Variants in ZNF385D observed in about 807,000 individuals in gnomAD.
ZNF385D encodes the protein zinc finger protein 385D.
In ZNF385D, 15 loss-of-function variants were observed where a neutral mutation model predicts 35.8. That is an observed-to-expected ratio of 0.42 (90% CI 0.28 to 0.64). The LOEUF is 0.64. Among genes scored for constraint, ZNF385D ranks in the 30% least tolerant of loss-of-function variants. The pLI is 0.23. For missense variants in ZNF385D, 474 were observed against 494.6 expected (o/e 0.96, Z 0.39); for synonymous variants, 212 against 186.8 (o/e 1.13, Z -1.10).
chr3:21,791,186 T>A (rs900888801), intron 3 of ZNF385D, among the ~76,000 whole-genome samples: 4 of 152,226 alleles, frequency 2.6e-5, no homozygotes, highest in Admixed American at 2.6e-4. Context: ...TTCTGAGGTA[T>A]GTAAAAAGAA....
intron 3 of ZNF385D, among the ~76,000 whole-genome samples, chr3:21,882,264 G>A (rs1698316516): frequency 6.6e-6 from 1 of 151,926 alleles, no homozygotes; most frequent in African/African-American, 2.4e-5. Flanking sequence ...TTCAAAAGTT[G>A]CCACAGCCAT....
chr3:21,687,958 G>A (rs774315396), intron 1 of ZNF385D, among the ~76,000 whole-genome samples: 2 of 151,818 alleles, frequency 1.3e-5, no homozygotes, highest in Admixed American at 6.6e-5. Context: ...GCAGTAGCAC[G>A]GTCACAGCTT....
intron 1 of ZNF385D, among the ~76,000 whole-genome samples, chr3:21,667,179 G>A (rs765947917): frequency 2.0e-5 from 3 of 152,184 alleles, no homozygotes; most frequent in Non-Finnish European, 2.9e-5. Context: ...TGTTGCTTTT[G>A]AGACAGGATC....
rs529776278 is a variant in ZNF385D, at chr3:22,293,614, A to G, written c.106+78836T>C. ...TAACATATTTGACATCACACATTATATTTTTTGGCAAAAGAATGCTACCTG... is the reference window on the plus strand; with the variant it reads ...TAACATATTTGACATCACACATTATGTTTTTTGGCAAAAGAATGCTACCTG... On this transcript the variant is annotated intron_variant, in intron 2 of 5. Coordinates refer to the ZNF385D transcript ENST00000494108. Among the ~76,000 whole-genome samples, 323 of 152,160 alleles carry G rather than the reference A, an allele frequency of 2.1e-3. 1 individual carries two copies. Among genetic ancestry groups the G allele is most frequent in the Non-Finnish European group, 3.0e-3 (203 of 67,976 alleles).
intron 3 of ZNF385D, among the ~76,000 whole-genome samples, chr3:21,555,070 A>G (rs2125610873): frequency 6.6e-6 from 1 of 152,308 alleles, no homozygotes; most frequent in Admixed American, 6.5e-5. Flanking sequence ...CAACTTAGCT[A>G]ACCGCTTGGC....
upstream of ZNF385D, among the ~76,000 whole-genome samples, chr3:21,756,014 A>T (rs1445609216): frequency 6.6e-6 from 1 of 152,238 alleles, no homozygotes; most frequent in Admixed American, 6.5e-5. Flanking sequence ...TTTTTAGGCC[A>T]TTAGAAATAC....
intron 3 of ZNF385D, among the ~76,000 whole-genome samples, chr3:21,915,702 T>C (rs749214160): frequency 1.3e-5 from 2 of 152,086 alleles, no homozygotes; most frequent in Non-Finnish European, 2.9e-5. Flanking sequence ...AGTAGGTCAA[T>C]TGCACATAGC....
At chr3:21,661,854 G>A (rs1194716646) in intron 2 of ZNF385D, among the ~76,000 whole-genome samples, 2 of 152,146 alleles carry the variant, frequency 1.3e-5, no homozygotes, top group Non-Finnish European at 1.5e-5. Context: ...TTTTATAGAC[G>A]TTTCATTCTT....
intron 1 of ZNF385D, among the ~76,000 whole-genome samples, chr3:21,665,499 G>A (rs963526683): frequency 1.2e-4 from 18 of 152,134 alleles, no homozygotes; most frequent in African/African-American, 3.9e-4. Flanking sequence ...CATGAACTTG[G>A]CACATAAAAG....
At chr3:22,177,831 G>A (rs1463322973) in intron 2 of ZNF385D, among the ~76,000 whole-genome samples, 3 of 152,180 alleles carry the variant, frequency 2.0e-5, no homozygotes, top group Admixed American at 1.3e-4. Context: ...AGAACATACG[G>A]TGGTTGGTTT....
intron 3 of ZNF385D, among the ~76,000 whole-genome samples, chr3:21,887,302 T>C (rs1382456367): frequency 6.6e-6 from 1 of 152,202 alleles, no homozygotes; most frequent in Non-Finnish European, 1.5e-5. Flanking sequence ...AATAATTAAT[T>C]CTGACATTTT....
chr3:21,868,556 A>T (rs1365153944), intron 3 of ZNF385D, among the ~76,000 whole-genome samples: 1 of 152,040 alleles, frequency 6.6e-6, no homozygotes, highest in Non-Finnish European at 1.5e-5. Context: ...CTTCCTCGTC[A>T]TCTATTCAGA....
intron 3 of ZNF385D, among the ~76,000 whole-genome samples, chr3:21,771,861 G>A (rs2071091153): frequency 6.6e-6 from 1 of 151,864 alleles, no homozygotes; most frequent in Admixed American, 6.6e-5. Flanking sequence ...TTCAAAATAG[G>A]GTGATACTGG....
At chr3:21,897,440 T>C (rs1249612781) in intron 3 of ZNF385D, among the ~76,000 whole-genome samples, 1 of 152,186 alleles carries the variant, frequency 6.6e-6, no homozygotes, top group Non-Finnish European at 1.5e-5. Flanking sequence ...GCGGCTATCC[T>C]TATTTTATTT....
chr3:21,882,830 A>G (rs767011158), intron 3 of ZNF385D, among the ~76,000 whole-genome samples: 3 of 152,036 alleles, frequency 2.0e-5, no homozygotes, highest in Admixed American at 1.3e-4. Context: ...TATGAAGAGC[A>G]TAGCTACTTG....
intron 2 of ZNF385D, among the ~76,000 whole-genome samples, chr3:22,234,248 A>T (rs1699053004): frequency 6.6e-6 from 1 of 151,942 alleles, no homozygotes; most frequent in South Asian, 2.1e-4. Context: ...ATCCCCTTTC[A>T]TCTCCTCAAT....
intron 3 of ZNF385D, among the ~76,000 whole-genome samples, chr3:21,981,378 G>A (rs746571279): frequency 6.6e-6 from 1 of 152,094 alleles, no homozygotes; most frequent in Non-Finnish European, 1.5e-5. Context: ...CTTTTGAGAA[G>A]TGTCTGTTCA....
At chr3:22,300,266 T>A (rs1010120996) in intron 2 of ZNF385D, among the ~76,000 whole-genome samples, 8 of 151,806 alleles carry the variant, frequency 5.3e-5, no homozygotes, top group Admixed American at 2.0e-4. Flanking sequence ...AGAATGAAAT[T>A]GGGCCATATA....
rs1700633723 is a variant in ZNF385D at position 21,419,163 on chromosome 3, C to G, written c.*2051G>C. Reference sequence around the variant, plus strand: ...CCTTCCTTCCTTTTCTTCCCTTCCCCATCTCCTTTCCTTCCTTCCTTCCCT... The same window carrying G: ...CCTTCCTTCCTTTTCTTCCCTTCCCGATCTCCTTTCCTTCCTTCCTTCCCT... On this transcript the variant is annotated 3_prime_UTR_variant, in exon 8 of 8. Transcript: ENST00000281523. The G allele has an allele frequency of 6.5e-6, 1 of 153,490 alleles. No individual in the cohort carries two copies. 9.5% of individuals were successfully genotyped at this position (153,490 alleles called of 1,614,324 possible).
Sources: allele counts gnomAD v4.1 joint callset (sites outside exome capture counted in the v4.1 genomes callset), GRCh38; gene constraint gnomAD v4.1.1; transcripts MANE v1.5; gene names NCBI Gene and HGNC (gene_info 2026-07-23, HGNC 2026-07-21).